The following SPAG16 variants were observed in gnomAD, a reference collection of about 807,000 sequenced individuals.
SPAG16 encodes the protein sperm associated antigen 16, also known as sperm-associated antigen 16 protein.
SPAG16 carries 86 observed loss-of-function variants against 80.4 expected under a neutral mutation model. The observed-to-expected ratio is 1.07, with a 90% CI of 0.90 to 1.28. The LOEUF (loss-of-function observed/expected upper bound fraction) is 1.28. SPAG16 is among the 50% of genes most tolerant of loss of function. The pLI is 0.00. For synonymous variants in SPAG16, 294 were observed against 265.9 expected, an observed-to-expected ratio of 1.11 and a Z score of -1.03; for missense variants, 870 against 765.3, an observed-to-expected ratio of 1.14 and a Z score of -1.61.
Position 213,976,133 on chromosome 2 carries a change from TATAC to T in SPAG16, c.1401-37816_1401-37813del, listed in dbSNP as rs1426885706. Among the ~76,000 whole-genome samples, 782 of 120,682 alleles carry T rather than the reference TATAC, an allele frequency of 6.5e-3. 5 individuals are homozygous for T. Among genetic ancestry groups the T allele is most frequent in the African/African-American group, 0.023 (638 of 28,136 alleles). The allele number at this position is 120,682 out of a possible 152,430, so 79.2% of individuals were successfully genotyped here. A position where few individuals can be genotyped will look rare whatever the true frequency, so the allele number is the denominator to read the frequency against. On this transcript the variant is annotated intron_variant, in intron 12 of 15. Transcript: ENST00000331683. ...AGATATATATATATATATATATATA[TATAC>T]ACACACACACACACACACGTATGTA...
At chr2:213,747,796 C>G (rs1392509523) in intron 10 of SPAG16, among the ~76,000 whole-genome samples, 3 of 152,156 alleles carry the variant, frequency 2.0e-5, no homozygotes, top group Non-Finnish European at 4.4e-5. Flanking sequence ...GAATACATCA[C>G]CGTCTTTAAG....
At chr2:214,277,692 G>T (rs902348540) in intron 15 of SPAG16, among the ~76,000 whole-genome samples, 3 of 152,304 alleles carry the variant, frequency 2.0e-5, no homozygotes, top group East Asian at 3.9e-4. Context: ...CATCCCAGAG[G>T]GGAACCCACA....
At chr2:213,445,791 AG>A (rs1281302866) in intron 9 of SPAG16, among the ~76,000 whole-genome samples, 1 of 152,222 alleles carries the variant, frequency 6.6e-6, no homozygotes, top group Non-Finnish European at 1.5e-5. Flanking sequence ...ATTATCAAAA[AG>A]ACAAAAATAA....
chr2:213,880,259 C>T (rs932460260), intron 11 of SPAG16, among the ~76,000 whole-genome samples: 1 of 152,122 alleles, frequency 6.6e-6, no homozygotes, highest in Non-Finnish European at 1.5e-5. Flanking sequence ...TGTGTATTGG[C>T]TCCTTGTATG....
At chr2:213,926,653 T>C (rs1326061422) in intron 11 of SPAG16, among the ~76,000 whole-genome samples, 1 of 152,164 alleles carries the variant, frequency 6.6e-6, no homozygotes, top group Admixed American at 6.5e-5. Context: ...ATTCATGTTA[T>C]AACCTTACGT....
At chr2:213,505,071 G>A (rs984828457) in intron 10 of SPAG16, among the ~76,000 whole-genome samples, 1 of 152,282 alleles carries the variant, frequency 6.6e-6, no homozygotes, top group African/African-American at 2.4e-5. Context: ...AATATCATTT[G>A]TATCAGTGAC....
chr2:213,526,957 A>G lies in SPAG16; in HGVS notation c.1070+36867A>G, dbSNP rs557391707. ...GCTGGTTTGTGTTTTCCAGAGAAGA[A>G]GGATCCAGTGCTCTGCTTTGGCTGA... On this transcript the variant is annotated intron_variant, in intron 10 of 15. Transcript: ENST00000331683. Among the ~76,000 whole-genome samples, 31 of 152,350 alleles carry G rather than the reference A, an allele frequency of 2.0e-4. No individual in the cohort carries two copies. In the Middle Eastern group the frequency reaches 0.01, roughly 50 times the overall value.
At chr2:213,897,109 G>T (rs1385731636) in intron 11 of SPAG16, among the ~76,000 whole-genome samples, 2 of 152,046 alleles carry the variant, frequency 1.3e-5, no homozygotes, top group Admixed American at 6.6e-5. Context: ...CAAATATTAG[G>T]TGATGGATAT....
chr2:214,016,916 G>A (rs2047619263), intron 13 of SPAG16, among the ~76,000 whole-genome samples: 1 of 152,120 alleles, frequency 6.6e-6, no homozygotes, highest in Non-Finnish European at 1.5e-5. Flanking sequence ...TACAAAACAT[G>A]ATTGATATAA....
chr2:214,327,350 G>T (rs1398923900), intron 15 of SPAG16, among the ~76,000 whole-genome samples: 2 of 152,202 alleles, frequency 1.3e-5, no homozygotes, highest in African/African-American at 4.8e-5. Flanking sequence ...TCCAGGTGCA[G>T]TGAGACTTTG....
chr2:213,396,729 A>T (rs956139274), intron 9 of SPAG16: 4 of 444,268 alleles, frequency 9.0e-6, no homozygotes, highest in Non-Finnish European at 9.1e-6. Flanking sequence ...AGCAGGAGCC[A>T]AATGGGAAAT....
intron 13 of SPAG16, among the ~76,000 whole-genome samples, chr2:214,059,454 G>T (rs1193678460): frequency 6.6e-6 from 1 of 151,178 alleles, no homozygotes; most frequent in African/African-American, 2.4e-5. Flanking sequence ...TCATATTCTT[G>T]TGGGGTTTTT....
intron 13 of SPAG16, among the ~76,000 whole-genome samples, chr2:214,098,556 C>G (rs1265147362): frequency 6.6e-6 from 1 of 152,040 alleles, no homozygotes; most frequent in East Asian, 1.9e-4. Flanking sequence ...ATAATGAAGC[C>G]AACCCTGCCT....
At chr2:213,817,253 T>A (rs1162077400) in intron 10 of SPAG16, among the ~76,000 whole-genome samples, 6 of 141,960 alleles carry the variant, frequency 4.2e-5, no homozygotes, top group Non-Finnish European at 9.1e-5. Context: ...TACTTATATA[T>A]ATGATATATA....
At chr2:214,296,707 A>G (rs1359623896) in intron 15 of SPAG16, among the ~76,000 whole-genome samples, 1 of 152,142 alleles carries the variant, frequency 6.6e-6, no homozygotes, top group Non-Finnish European at 1.5e-5. Flanking sequence ...GTGTCTGTTC[A>G]TATCCTTTGC....
intron 10 of SPAG16, among the ~76,000 whole-genome samples, chr2:213,861,507 C>T (rs2075461086): frequency 6.6e-6 from 1 of 152,094 alleles, no homozygotes; most frequent in African/African-American, 2.4e-5. Context: ...TGTCTTACCG[C>T]ACCACATTGG....
intron 10 of SPAG16, among the ~76,000 whole-genome samples, chr2:213,646,086 T>A (rs2062811905): frequency 6.6e-6 from 1 of 152,156 alleles, no homozygotes; most frequent in South Asian, 2.1e-4. Context: ...CTACTCTGCC[T>A]AGAGATGCTC....
At chr2:213,666,121 G>A (rs1304409409) in intron 10 of SPAG16, among the ~76,000 whole-genome samples, 1 of 152,084 alleles carries the variant, frequency 6.6e-6, no homozygotes, top group Non-Finnish European at 1.5e-5. Flanking sequence ...CAAATAATGA[G>A]AATAGATTGT....
chr2:213,463,961 G>T (rs988477630), intron 9 of SPAG16, among the ~76,000 whole-genome samples: 1 of 152,230 alleles, frequency 6.6e-6, no homozygotes, highest in Non-Finnish European at 1.5e-5. Context: ...TACAGCGTAT[G>T]ATCCCTCCCA....
Sources: allele counts gnomAD v4.1 joint callset (sites outside exome capture counted in the v4.1 genomes callset), GRCh38; gene constraint gnomAD v4.1.1; transcripts MANE v1.5; gene names NCBI Gene and HGNC (gene_info 2026-07-23, HGNC 2026-07-21).